Variants in PODN observed in about 807,000 individuals in gnomAD.
PODN encodes podocan.
A neutral mutation model predicts 52.7 loss-of-function variants in PODN; 40 were observed. The ratio of observed to expected loss-of-function variants is 0.76; its 90% CI spans 0.59 to 0.99. PODN has a LOEUF of 0.99. Ranked by LOEUF, PODN falls within the 50% of genes least tolerant of loss-of-function variation. The pLI, the probability that PODN is intolerant of heterozygous loss-of-function variation, is 0.00. For synonymous variants in PODN, 396 were observed against 377.9 expected (o/e 1.05, Z -0.56); for missense variants, 720 against 815.1 (o/e 0.88, Z 1.42).
At chr1:53,080,969 A>G in intron 9 of PODN, 93 bp downstream of exon 9, 1 of 1,497,232 alleles carries the variant, frequency 6.7e-7, no homozygotes, top group Non-Finnish European at 9.1e-7. Flanking sequence ...GCTTGGCTCC[A>G]CTGCTGCCTG....
At chr1:53,079,123 G>T in intron 8 of PODN, 101 bp downstream of exon 8, 2 of 1,369,344 alleles carry the variant, frequency 1.5e-6, no homozygotes. Context: ...GGGCTGGGTG[G>T]TGAGGGAGGT....
At chr1:53,076,364 G>A (rs1644195038) in intron 5 of PODN, among the ~76,000 whole-genome samples, 1 of 152,204 alleles carries the variant, frequency 6.6e-6, no homozygotes, top group Non-Finnish European at 1.5e-5. Flanking sequence ...ACAGTTTGGG[G>A]GCTGGACAAC....
intron 2 of PODN, chr1:53,070,767 C>T: frequency 6.4e-6 from 1 of 156,024 alleles, no homozygotes; most frequent in Non-Finnish European, 1.4e-5. Context: ...GAGTGACTTG[C>T]CTACTGGCAT....
chr1:53,063,326 A>T, intron 1 of PODN: 2 of 980,832 alleles, frequency 2.0e-6, no homozygotes, highest in Non-Finnish European at 2.4e-6. Flanking sequence ...CAGCGCTTGG[A>T]GTGAATTACT....
intron 9 of PODN, among the ~76,000 whole-genome samples, chr1:53,081,414 C>T (rs1238332122): frequency 6.6e-6 from 1 of 152,220 alleles, no homozygotes; most frequent in East Asian, 1.9e-4. Flanking sequence ...TGAGTGTGCT[C>T]CCAGGAGCTC....
intron 1 of PODN, chr1:53,066,943 T>G: frequency 7.0e-7 from 1 of 1,434,442 alleles, no homozygotes; most frequent in South Asian, 1.3e-5. Context: ...CTGATTGAAT[T>G]TGGGACCTGG....
chr1:53,064,627 T>C (rs1028115640), intron 1 of PODN, among the ~76,000 whole-genome samples: 1 of 152,174 alleles, frequency 6.6e-6, no homozygotes, highest in Non-Finnish European at 1.5e-5. Context: ...CCTCACACTT[T>C]GGGCCTTGAG....
intron 4 of PODN, 104 bp downstream of exon 4, chr1:53,074,774 G>A (rs1644170601): frequency 1.7e-6 from 2 of 1,195,144 alleles, no homozygotes; most frequent in Non-Finnish European, 2.4e-6. Context: ...ACTCCCTGCT[G>A]GGTCCTTGTT....
chr1:53,071,689 G>A (rs773434707), intron 3 of PODN, 61 bp downstream of exon 3: 4 of 1,483,734 alleles, frequency 2.7e-6, no homozygotes, highest in Admixed American at 1.8e-5. Context: ...GGGCCTGAAC[G>A]ATGCTGGGTG....
intron 1 of PODN, among the ~76,000 whole-genome samples, chr1:53,065,470 G>C (rs987409831): frequency 3.9e-5 from 6 of 152,212 alleles, no homozygotes; most frequent in African/African-American, 1.4e-4. Context: ...ACAGCCCTGA[G>C]AGTGGCTGGC....
chr1:53,081,398 C>T (rs753366936), intron 9 of PODN, among the ~76,000 whole-genome samples: 4 of 152,220 alleles, frequency 2.6e-5, no homozygotes, highest in African/African-American at 7.2e-5. Context: ...GGAGACAAGG[C>T]AGAGATGAGT....
chr1:53,081,913 C>A (rs370573287), intron 9 of PODN, 68 bp from the exon 10 acceptor site: 1 of 1,527,046 alleles, frequency 6.5e-7, no homozygotes. Context: ...CTGGAGAGGC[C>A]AGTCGGGGGA....
At chr1:53,063,569 T>C (rs1270687513) in intron 1 of PODN, 22 of 985,240 alleles carry the variant, frequency 2.2e-5, no homozygotes, top group African/African-American at 1.0e-4. Flanking sequence ...GGTAGGTCAC[T>C]CAGAAGAGCC....
Position 53,062,416 on chromosome 1 carries a change from G to T in PODN, c.-56+108G>T, listed in dbSNP as rs951186129. 2.8e-5 allele frequency: 24 copies of T among 854,458 alleles called. No homozygotes were observed. The Middle Eastern group carries it at 1.6e-3, about 57-fold the overall frequency. 52.9% of individuals were successfully genotyped at this position (854,458 alleles called of 1,614,324 possible). ...GATGGCTCCAGCAGCTGCCTGGGGC[G>T]GGCCCGCCGCATCTCACCCCCTCTG... is the stretch of plus-strand genomic sequence containing the variant. On this transcript the variant is annotated intron_variant, in intron 1 of 10. Coordinates refer to ENST00000312553, the MANE Select transcript of PODN (RefSeq NM_153703.5).
rs376730743 is a variant in PODN at position 53,065,884 on chromosome 1, G to T, written c.-56+3576G>T. Among the ~76,000 whole-genome samples the T allele has an allele frequency of 1.2e-4, 18 of 152,132 alleles. 1 individual carries two copies. The highest frequency in any genetic ancestry group is 4.3e-4 in the African/African-American group (18 of 41,476). ...TGCCTGGTAGTCATCCCTTAGAATG[G>T]GATTATAATACTCAGCTTATACATA... On this transcript the variant is annotated intron_variant, in intron 1 of 10. Coordinates refer to ENST00000312553, the MANE Select transcript of PODN (RefSeq NM_153703.5).
rs552697630 is a variant in PODN, at chr1:53,062,372, A to G, written c.-56+64A>G. The G allele has an allele frequency of 2.4e-5, 28 of 1,147,014 alleles. No individual in the cohort carries two copies. The African/African-American group carries it at 4.4e-4, about 18-fold the overall frequency. 71.1% of individuals were successfully genotyped at this position (1,147,014 alleles called of 1,614,324 possible). Reference sequence around the variant, plus strand: ...GGGGCTGAGCCCGGGCAGCGCACTCAGACGTCCCCGCCTCTCCGGATGGCT... The same window carrying G: ...GGGGCTGAGCCCGGGCAGCGCACTCGGACGTCCCCGCCTCTCCGGATGGCT... On this transcript the variant is annotated intron_variant, in intron 1 of 10. Transcript: ENST00000312553.
At position 53,073,004 on chromosome 1, in the gene PODN, G is replaced by C. The variant is rs922276918; in HGVS notation, c.406+1376G>C. 7.3e-5 allele frequency: 16 copies of C among 218,852 alleles called. No individual in the cohort carries two copies. The South Asian group carries it at 9.8e-4, about 13-fold the overall frequency. The allele number at this position is 218,852 out of a possible 1,614,324, so 13.6% of individuals were successfully genotyped here. On this transcript the variant is annotated intron_variant, in intron 3 of 10. Coordinates refer to ENST00000312553, the MANE Select transcript of PODN (RefSeq NM_153703.5). ...ATGAACCCGGGAGGCGGAGGTTGCA[G>C]TGAGCTGAGATCACACCATTGCACT...
At chr1:53,067,696 C>G (rs1644052838) in intron 1 of PODN, among the ~76,000 whole-genome samples, 1 of 152,048 alleles carries the variant, frequency 6.6e-6, no homozygotes, top group Non-Finnish European at 1.5e-5. Context: ...ATGTGAGGAT[C>G]ACTTGAGGTC....
At position 53,082,486 on chromosome 1, in the gene PODN, G is replaced by T. The variant is rs143039493; in HGVS notation, c.*27+298G>T. On this transcript the variant is annotated intron_variant, in intron 10 of 10. Transcript: ENST00000312553. ...GGAGTGAGGTCTGGTCTGGAGAGAG[G>T]GATCCAGGCATTGTTAGCCTTGAAA... Among the ~76,000 whole-genome samples the T allele has an allele frequency of 1.2e-3, 177 of 152,254 alleles. 1 individual carries two copies. Among genetic ancestry groups the T allele is most frequent in the African/African-American group, 4.2e-3 (174 of 41,540 alleles).
Sources: allele counts gnomAD v4.1 joint callset (sites outside exome capture counted in the v4.1 genomes callset), GRCh38; gene constraint gnomAD v4.1.1; transcripts MANE v1.5; gene names NCBI Gene and HGNC (gene_info 2026-07-23, HGNC 2026-07-21).